Variants in MYCBP2 observed in about 807,000 individuals in gnomAD.
The protein encoded by MYCBP2 is E3 ubiquitin-protein ligase MYCBP2.
In MYCBP2, 120 loss-of-function variants were observed where a neutral mutation model predicts 525.3. The ratio of observed to expected loss-of-function variants is 0.23; its 90% confidence interval spans 0.20 to 0.27. The LOEUF is 0.27. MYCBP2 is among the 10% of genes least tolerant of loss of function. MYCBP2 has a pLI of 1.00. For missense variants in MYCBP2, 4,149 were observed against 5,657.1 expected, an observed-to-expected ratio of 0.73 and a Z score of 8.55; for synonymous variants, 1,894 against 1,955.8, an observed-to-expected ratio of 0.97 and a Z score of 0.83.
In MYCBP2 at chr13:77,059,547, A is replaced by G; in HGVS notation, c.13116T>C (p.Ser4372=). 9.9e-6 allele frequency: 16 copies of G among 1,614,022 alleles called. No individual in the cohort carries two copies. The highest frequency in any genetic ancestry group is 1.4e-5 in the Non-Finnish European group (16 of 1,179,882). ...RSGTELSAVG[S]VCSDADCQEY... ...CCTGGCAATCTGCATCAGAACAAAC[A>G]CTGCCAACAGCAGATAACTCTGTTC... The change falls in exon 77 of 83, where the codon AGT becomes AGC. Residue 4372 remains serine (S), a synonymous_variant. Transcript: ENST00000544440.
intron 61 of MYCBP2, among the ~76,000 whole-genome samples, chr13:77,088,406 A>G (rs1192410414): frequency 1.3e-5 from 2 of 152,122 alleles, no homozygotes; most frequent in Non-Finnish European, 2.9e-5. Context: ...TTTACTATAT[A>G]TAGGCCTGTA....
Position 77,282,403 on chromosome 13 carries a change from T to G in MYCBP2, c.595-3492A>C, listed in dbSNP as rs543434422. Among the ~76,000 whole-genome samples the G allele has an allele frequency of 3.4e-5, 5 of 145,446 alleles. No homozygotes were observed. The South Asian group carries it at 1.1e-3, about 32-fold the overall frequency. On this transcript the variant is annotated intron_variant, in intron 3 of 82. Transcript: ENST00000544440. ...TCAGCCTGGGCAAGCAGAGTGAAAC[T>G]CCATCTTGAAAAAAAAAAAAAAAAG...
intron 1 of MYCBP2, among the ~76,000 whole-genome samples, chr13:77,311,303 A>C (rs2080173456): frequency 6.6e-6 from 1 of 152,226 alleles, no homozygotes; most frequent in South Asian, 2.1e-4. Context: ...GAATTATAAT[A>C]AACCCTAGAG....
At position 77,301,448 on chromosome 13, in the gene MYCBP2, A is replaced by AAC. The variant is rs1555470570; in HGVS notation, c.303-4775_303-4774insGT. On this transcript the variant is annotated intron_variant, in intron 1 of 82. Coordinates refer to ENST00000544440, the MANE Select transcript of MYCBP2 (RefSeq NM_015057.5). ...AAAAAAAAAAAAAAAAAAAAAAAAAAAGAGGCTGGGTCAAAAGGGAAGAGA... is the reference window on the plus strand; with the variant it reads ...AAAAAAAAAAAAAAAAAAAAAAAAAAACAGAGGCTGGGTCAAAAGGGAAGAGA... 8.4e-4 allele frequency among the ~76,000 whole-genome samples: 96 copies of AAC among 113,926 alleles called. 14 individuals carry two copies. Among genetic ancestry groups the AAC allele is most frequent in the Non-Finnish European group, 1.4e-3 (73 of 50,828 alleles). The allele number at this position is 113,926 out of a possible 152,430, so 74.7% of individuals were successfully genotyped here. A position where few individuals can be genotyped will look rare whatever the true frequency, so the allele number is the denominator to read the frequency against.
intron 26 of MYCBP2, among the ~76,000 whole-genome samples, chr13:77,199,334 G>C (rs983666454): frequency 6.6e-6 from 1 of 152,224 alleles, no homozygotes; most frequent in Non-Finnish European, 1.5e-5. Context: ...CTTTTCTGAC[G>C]GGCTTAAAAA....
chr13:77,310,802 AC>A (rs1167863550), intron 1 of MYCBP2, among the ~76,000 whole-genome samples: 1 of 151,722 alleles, frequency 6.6e-6, no homozygotes, highest in Non-Finnish European at 1.5e-5. Flanking sequence ...ACACACACAC[AC>A]CATATTTAGG....
chr13:77,141,269 T>A (rs994586723), intron 49 of MYCBP2, among the ~76,000 whole-genome samples: 1 of 152,092 alleles, frequency 6.6e-6, no homozygotes, highest in Non-Finnish European at 1.5e-5. Flanking sequence ...CAATATCCAA[T>A]CAGAATACCA....
intron 3 of MYCBP2, among the ~76,000 whole-genome samples, chr13:77,285,590 C>T (rs1342920788): frequency 1.3e-5 from 2 of 152,204 alleles, no homozygotes; most frequent in African/African-American, 4.8e-5. Flanking sequence ...AGTTTGAGAC[C>T]AGCTTTACCA....
At chr13:77,165,812 A>G (rs944327131) in intron 41 of MYCBP2, among the ~76,000 whole-genome samples, 22 of 152,196 alleles carry the variant, frequency 1.4e-4, no homozygotes, top group African/African-American at 5.3e-4. Flanking sequence ...TGGAAAGAAG[A>G]AGTTTCTGAA....
intron 54 of MYCBP2, among the ~76,000 whole-genome samples, 170 bp from the exon 55 acceptor site, chr13:77,121,665 C>T (rs2050714800): frequency 6.6e-6 from 1 of 152,154 alleles, no homozygotes. Context: ...ATTAACAAAG[C>T]ACCTGACAAA....
intron 1 of MYCBP2, among the ~76,000 whole-genome samples, chr13:77,319,937 CCGGAAGTTTATTG>C (rs2154381881): frequency 6.6e-6 from 1 of 152,282 alleles, no homozygotes; most frequent in Non-Finnish European, 1.5e-5. Flanking sequence ...GATGTGCACA[CCGGAAGTTTATTG>C]CGGAGTGCCC....
intron 72 of MYCBP2, 60 bp downstream of exon 72, chr13:77,065,932 G>T: frequency 1.7e-6 from 2 of 1,207,110 alleles, no homozygotes; most frequent in Non-Finnish European, 2.4e-6. Context: ...AGCAGAGTAA[G>T]CTGTTTTGTG....
At chr13:77,083,257 CTAT>C (rs1274865909) in intron 62 of MYCBP2, 65 bp from the exon 63 acceptor site, 3 of 1,454,554 alleles carry the variant, frequency 2.1e-6, no homozygotes, top group African/African-American at 2.8e-5. Context: ...TCACAAAAGA[CTAT>C]TATGTATACT....
chr13:77,105,815 T>C (rs2047769370), intron 55 of MYCBP2, among the ~76,000 whole-genome samples: 1 of 152,112 alleles, frequency 6.6e-6, no homozygotes, highest in African/African-American at 2.4e-5. Context: ...CCAGTGCTCA[T>C]TTGAAGTTAA....
intron 73 of MYCBP2, 135 bp from the exon 74 acceptor site, chr13:77,062,832 C>G (rs2039545492): frequency 1.2e-5 from 8 of 666,850 alleles, no homozygotes; most frequent in East Asian, 5.4e-5. Context: ...GCACTCAAGT[C>G]TTCCTGATGT....
At chr13:77,233,099 A>T (rs2067350055) in intron 18 of MYCBP2, 57 bp downstream of exon 18, 4 of 1,461,014 alleles carry the variant, frequency 2.7e-6, no homozygotes, top group Non-Finnish European at 3.8e-6. Flanking sequence ...ACAAAATTCA[A>T]ATGAGTGGAA....
rs2058408516 is a variant in MYCBP2 at position 77,165,348 on chromosome 13, C to T, written c.6384G>A (p.Val2128=). Residue 2128 remains valine, a synonymous_variant, in exon 42 of 83, where the codon GTG becomes GTA. Coordinates refer to ENST00000544440, the MANE Select transcript of MYCBP2 (RefSeq NM_015057.5). ...LFSLETASDY[V]KDDKASFYGF... The stretch of plus-strand genomic sequence containing the variant: ...CATAGAAAGAAGCTTTGTCATCTTT[C>T]ACATAATCTGATGCAGTCTCCAATG... The T allele has an allele frequency of 6.2e-7, 1 of 1,611,870 alleles. No individual in the cohort carries two copies. Among genetic ancestry groups the T allele is most frequent in the East Asian group, 2.2e-5 (1 of 44,724 alleles).
chr13:77,278,755 T>C lies in MYCBP2; in HGVS notation c.748+3A>G, dbSNP rs770838904. The stretch of plus-strand genomic sequence containing the variant: ...GCTTCACTGAATGAGCCTTGGCTCT[T>C]ACCTAGGACCTCAGGTGGCTCAGAC... On this transcript the variant is annotated splice_donor_region_variant and intron_variant, in intron 4 of 82. Transcript: ENST00000544440. 6.5e-7 allele frequency: 1 copy of C among 1,526,718 alleles called. No homozygotes were observed. Among genetic ancestry groups the C allele is most frequent in the Non-Finnish European group, 8.8e-7 (1 of 1,141,890 alleles). The allele number at this position is 1,526,718 out of a possible 1,614,324, so 94.6% of individuals were successfully genotyped here. A position where few individuals can be genotyped will look rare whatever the true frequency, so the allele number is the denominator to read the frequency against.
intron 26 of MYCBP2, among the ~76,000 whole-genome samples, chr13:77,195,774 A>G (rs1180600419): frequency 6.6e-6 from 1 of 152,164 alleles, no homozygotes; most frequent in African/African-American, 2.4e-5. Flanking sequence ...CACAAAGTTG[A>G]GGATTTTTGT....
Sources: allele counts gnomAD v4.1 joint callset (sites outside exome capture counted in the v4.1 genomes callset), GRCh38; gene constraint gnomAD v4.1.1; transcripts MANE v1.5; gene names NCBI Gene and HGNC (gene_info 2026-07-23, HGNC 2026-07-21).